CFAP92: variants seen among roughly 807,000 people sequenced by gnomAD.
The protein encoded by CFAP92 is uncharacterized protein CFAP92.
A neutral mutation model predicts 106.3 loss-of-function variants in CFAP92; 86 were observed. The observed-to-expected ratio is 0.81, with a 90% confidence interval of 0.68 to 0.97. CFAP92 has a LOEUF of 0.97. Among genes scored for constraint, CFAP92 ranks in the 50% least tolerant of loss-of-function variants. The pLI is 0.00. For synonymous variants in CFAP92, 477 were observed against 506.4 expected, an observed-to-expected ratio of 0.94 and a Z score of 0.78; for missense variants, 1,204 against 1,283.8, an observed-to-expected ratio of 0.94 and a Z score of 0.95.
At chr3:128,967,898 G>T (rs1371693805) in intron 8 of CFAP92, 1 of 152,132 alleles carries the variant, frequency 6.6e-6, no homozygotes, top group Non-Finnish European at 1.5e-5. Flanking sequence ...GTGCATTATG[G>T]CATGTTTAAC....
upstream of CFAP92, among the ~76,000 whole-genome samples, chr3:129,006,547 C>G (rs1373632259): frequency 6.6e-6 from 1 of 152,210 alleles, no homozygotes; most frequent in Non-Finnish European, 1.5e-5. Context: ...AACACCTGAC[C>G]TCAGGTGATC....
chr3:129,004,165 G>A (rs1450713251), upstream of CFAP92: 14 of 1,333,636 alleles, frequency 1.0e-5, no homozygotes, highest in Non-Finnish European at 1.9e-6. Flanking sequence ...CCTCCCACGC[G>A]CTCTCGTGTT....
intron 1 of CFAP92, among the ~76,000 whole-genome samples, chr3:128,999,403 T>C (rs1444688728): frequency 2.0e-5 from 3 of 152,100 alleles, no homozygotes; most frequent in African/African-American, 4.8e-5. Flanking sequence ...CTTTTCAATA[T>C]TGACTGGCCC....
rs751512435 is a variant in CFAP92, at chr3:128,977,061, G to A, written c.814C>T (p.His272Tyr). The A allele has an allele frequency of 1.9e-5, 31 of 1,613,540 alleles. 1 individual carries two copies. The South Asian group carries it at 3.2e-4, about 17-fold the overall frequency. The change falls in exon 6 of 16, where the codon CAC becomes TAC. Residue 272 changes from histidine to tyrosine, a missense_variant. By Grantham distance (83) the His-to-Tyr change is moderately conservative. Coordinates refer to ENST00000645291, the MANE Select transcript of CFAP92 (RefSeq NM_001394090.1). ...GAAGAAGTTTCGGGCTCTGCTTGGT[G>A]AGAACCTGAAAACAGTAGCAAATAT... ...EKHPKSLQGS[H>Y]QAEPETSSKN...
chr3:128,914,229 T>C (rs1936627696), intron 15 of CFAP92, among the ~76,000 whole-genome samples: 3 of 152,194 alleles, frequency 2.0e-5, no homozygotes, highest in African/African-American at 7.2e-5. Flanking sequence ...CCTTGTGTTC[T>C]TAGGCTAGAC....
At chr3:128,932,378 T>TACACACACACACAC (rs112536236) in intron 12 of CFAP92, among the ~76,000 whole-genome samples, 7 of 147,592 alleles carry the variant, frequency 4.7e-5, no homozygotes, top group East Asian at 2.0e-4. Flanking sequence ...AGCAACATGT[T>TACACACACACACAC]ACACACACAC....
chr3:128,986,389 G>T (rs1156860600), intron 4 of CFAP92, among the ~76,000 whole-genome samples: 2 of 152,042 alleles, frequency 1.3e-5, no homozygotes, highest in African/African-American at 4.8e-5. Flanking sequence ...ACAGGAGCAC[G>T]TCACCATGCT....
intron 10 of CFAP92, among the ~76,000 whole-genome samples, chr3:128,938,407 C>G (rs919840425): frequency 7.3e-5 from 11 of 151,724 alleles, no homozygotes; most frequent in Non-Finnish European, 1.3e-4. Flanking sequence ...AAACCCTACA[C>G]CTAACATCAT....
intron 4 of CFAP92, among the ~76,000 whole-genome samples, chr3:128,986,331 C>T (rs945180460): frequency 2.0e-5 from 3 of 151,892 alleles, no homozygotes; most frequent in Non-Finnish European, 4.4e-5. Flanking sequence ...CCTCGACCTC[C>T]CAGGATTAAG....
the CFAP92 span, among the ~76,000 whole-genome samples, chr3:129,020,234 CAG>C: frequency 2.0e-5 from 3 of 152,122 alleles, no homozygotes; most frequent in African/African-American, 7.2e-5. Context: ...AAGCTGTAAA[CAG>C]AGTGTGGGAG....
upstream of CFAP92, among the ~76,000 whole-genome samples, chr3:128,994,322 A>G (rs1327252246): frequency 6.6e-6 from 1 of 152,224 alleles, no homozygotes; most frequent in Non-Finnish European, 1.5e-5. Flanking sequence ...AGCACCTACT[A>G]TAAGCCTGGT....
chr3:128,923,103 G>A (rs1283369138), intron 12 of CFAP92, among the ~76,000 whole-genome samples: 2 of 152,224 alleles, frequency 1.3e-5, no homozygotes, highest in African/African-American at 4.8e-5. Context: ...TTTTGCTTCT[G>A]TTTCGCTAGA....
chr3:128,983,016 G>A (rs1019429762), intron 4 of CFAP92, among the ~76,000 whole-genome samples: 5 of 152,150 alleles, frequency 3.3e-5, no homozygotes, highest in Admixed American at 1.3e-4. Context: ...GTGAGCACAC[G>A]AGGTTGAAAA....
At chr3:128,953,139 A>T (rs1940976351) in intron 9 of CFAP92, among the ~76,000 whole-genome samples, 1 of 152,166 alleles carries the variant, frequency 6.6e-6, no homozygotes, top group Non-Finnish European at 1.5e-5. Context: ...GCAATAAAAA[A>T]ACTCAATAGA....
chr3:129,011,434 C>T, the CFAP92 span, among the ~76,000 whole-genome samples: 1 of 151,984 alleles, frequency 6.6e-6, no homozygotes, highest in Non-Finnish European at 1.5e-5. Context: ...GCCTGTAATC[C>T]CAGCTACTTG....
At chr3:128,979,861 G>A (rs938702790) in intron 4 of CFAP92, among the ~76,000 whole-genome samples, 1 of 151,310 alleles carries the variant, frequency 6.6e-6, no homozygotes, top group African/African-American at 2.4e-5. Flanking sequence ...ACGAGTTAAT[G>A]GGGGTAGCAC....
intron 4 of CFAP92, among the ~76,000 whole-genome samples, chr3:128,986,178 G>A (rs1943844160): frequency 1.3e-5 from 2 of 152,026 alleles, no homozygotes; most frequent in South Asian, 4.1e-4. Flanking sequence ...TACTCGTCTG[G>A]AAGGTGCTGA....
intron 10 of CFAP92, among the ~76,000 whole-genome samples, chr3:128,942,482 C>T (rs1285662393): frequency 6.6e-6 from 1 of 152,180 alleles, no homozygotes; most frequent in Non-Finnish European, 1.5e-5. Flanking sequence ...TGACCCAAAG[C>T]CCCCATCCCG....
In CFAP92 at chr3:128,971,308, C is replaced by A; in HGVS notation, c.1147G>T (p.Ala383Ser). The A allele has an allele frequency of 6.2e-7, 1 of 1,613,714 alleles. No individual in the cohort carries two copies. The highest frequency in any genetic ancestry group is 8.5e-7 in the Non-Finnish European group (1 of 1,179,826). ...RKQSAFSIQL[A>S]VMPLLAGWQT... ...GTACCGGCAAGGAGCGGCATGACGGCCAGCTGGATGGAGAAAGCGCTCTGC... is the reference window on the plus strand; with the variant it reads ...GTACCGGCAAGGAGCGGCATGACGGACAGCTGGATGGAGAAAGCGCTCTGC... The change falls in exon 8 of 16, where the codon GCC becomes TCC. Residue 383 changes from alanine to serine, a missense_variant. By Grantham distance (99) the Ala-to-Ser change is moderately conservative. Transcript: ENST00000645291.
Sources: allele counts gnomAD v4.1 joint callset (sites outside exome capture counted in the v4.1 genomes callset), GRCh38; gene constraint gnomAD v4.1.1; transcripts MANE v1.5; gene names NCBI Gene and HGNC (gene_info 2026-07-23, HGNC 2026-07-21).